Variants in SKP2 observed in about 807,000 individuals in gnomAD.
The protein encoded by SKP2 is S-phase kinase associated protein 2.
A neutral mutation model predicts 51.8 loss-of-function variants in SKP2; 16 were observed. The ratio of observed to expected loss-of-function variants is 0.31; its 90% CI spans 0.21 to 0.47. SKP2 has a LOEUF of 0.47. Ranked by LOEUF, SKP2 falls within the 20% of genes least tolerant of loss-of-function variation. The pLI, the probability that SKP2 is intolerant of heterozygous loss-of-function variation, is 1.00. For synonymous variants in SKP2, 176 were observed against 198.6 expected, an observed-to-expected ratio of 0.89 and a Z score of 0.96; for missense variants, 377 against 505.3, an observed-to-expected ratio of 0.75 and a Z score of 2.43.
chr5:36,192,153 C>G (rs1746040469), intron 6 of SKP2, among the ~76,000 whole-genome samples: 2 of 152,162 alleles, frequency 1.3e-5, no homozygotes, highest in African/African-American at 4.8e-5. Context: ...ACTCTTCATA[C>G]CTTAATGTAG....
At chr5:36,157,635 C>A (rs3804445) in intron 2 of SKP2, among the ~76,000 whole-genome samples, 108,858 of 151,888 alleles carry the variant, frequency 0.72, 42,239 homozygotes, top group Non-Finnish European at 0.87. Context: ...AAAAGCAATT[C>A]TGAGGTGAGC....
chr5:36,156,457 C>T lies in SKP2; in HGVS notation c.280+3415C>T, dbSNP rs41114. On this transcript the variant is annotated intron_variant, in intron 2 of 9. Transcript: ENST00000274255. ...TTCTCCCTGCAGGCCCCAGTCCAGC[C>T]GTACATCTGGCAACTAAATCCTCTT... is the stretch of plus-strand genomic sequence containing the variant. 9.5e-3 allele frequency among the ~76,000 whole-genome samples: 1,451 copies of T among 152,240 alleles called. 25 individuals carry two copies. The highest frequency in any genetic ancestry group is 0.033 in the African/African-American group (1,382 of 41,530).
At chr5:36,188,127 C>T (rs527957831), downstream of SKP2, among the ~76,000 whole-genome samples, 1 of 152,140 alleles carries the variant, frequency 6.6e-6, no homozygotes, top group African/African-American at 2.4e-5. Flanking sequence ...ATGTGTATCT[C>T]TGCACGTGAG....
chr5:36,190,217 ACCCAC>A (rs1428714394), intron 6 of SKP2, among the ~76,000 whole-genome samples: 2 of 3,082 alleles, frequency 6.5e-4, no homozygotes, highest in African/African-American at 2.0e-3. Context: ...GGTGTGCTGC[ACCCAC>A]TGTCCTGCAC....
intron 2 of SKP2, among the ~76,000 whole-genome samples, chr5:36,157,368 C>T (rs1305384894): frequency 2.0e-5 from 3 of 152,180 alleles, no homozygotes; most frequent in Non-Finnish European, 4.4e-5. Flanking sequence ...CAGGGTTGAG[C>T]AAGTCTTTCA....
At position 36,190,859 on chromosome 5, in the gene SKP2, A is replaced by G. The variant is rs144171097; in HGVS notation, c.633-1762A>G. ...CATAACTATTTTGGTATATACCTCT[A>G]AAAGTTAGGGATTTTCCTGCGTGAA... On this transcript the variant is annotated intron_variant, in intron 6 of 7. Coordinates refer to the SKP2 transcript ENST00000677886. 2.2e-3 allele frequency among the ~76,000 whole-genome samples: 341 copies of G among 152,202 alleles called. 1 individual carries two copies. The highest frequency in any genetic ancestry group is 7.8e-3 in the African/African-American group (322 of 41,536).
chr5:36,175,089 G>C (rs1458287489), intron 7 of SKP2, among the ~76,000 whole-genome samples: 1 of 152,098 alleles, frequency 6.6e-6, no homozygotes, highest in East Asian at 1.9e-4. Context: ...TATGAAGCAG[G>C]GAGACCAGTT....
chr5:36,171,208 C>T (rs1745461308), intron 6 of SKP2, among the ~76,000 whole-genome samples: 1 of 152,174 alleles, frequency 6.6e-6, no homozygotes, highest in Admixed American at 6.5e-5. Context: ...ATATCAGCAT[C>T]TCTTTATTAG....
chr5:36,193,215 ATGCCTGTAATCCCAATAC>A (rs1328609394), intron 7 of SKP2: 2 of 152,152 alleles, frequency 1.3e-5, no homozygotes, highest in African/African-American at 4.8e-5. Context: ...ATGGTGGCTC[ATGCCTGTAATCCCAATAC>A]TGGGAGGCCG....
chr5:36,181,675 A>G lies in SKP2; in HGVS notation c.1062-143A>G, dbSNP rs79699802. 1,100 of 812,034 alleles carry G rather than the reference A, an allele frequency of 1.4e-3. 13 individuals are homozygous for G. The African/African-American group carries it at 0.016, about 12-fold the overall frequency. 50.3% of individuals were successfully genotyped at this position (812,034 alleles called of 1,614,324 possible). A position where few individuals can be genotyped will look rare whatever the true frequency, so the allele number is the denominator to read the frequency against. On this transcript the variant is annotated intron_variant, in intron 9 of 9. Coordinates refer to ENST00000274255, the MANE Select transcript of SKP2 (RefSeq NM_005983.4). ...TCTGTGCTTTCCAGTTTAATTTGCT[A>G]TTTTCTCAAATCATTTATTGTAAAT... is the stretch of plus-strand genomic sequence containing the variant.
chr5:36,152,737 C>T (rs376372181), intron 1 of SKP2, 34 bp from the exon 2 acceptor site: 3 of 1,595,624 alleles, frequency 1.9e-6, no homozygotes, highest in South Asian at 2.2e-5. Flanking sequence ...GGTGTGTTTT[C>T]GAAAGGAACC....
downstream of SKP2, among the ~76,000 whole-genome samples, chr5:36,184,994 T>C (rs1300057619): frequency 3.3e-5 from 5 of 152,234 alleles, no homozygotes; most frequent in Non-Finnish European, 7.3e-5. Flanking sequence ...GGTTTTGATT[T>C]GCATTTCTCT....
At chr5:36,164,141 G>A (rs1745213066) in intron 3 of SKP2, among the ~76,000 whole-genome samples, 1 of 152,192 alleles carries the variant, frequency 6.6e-6, no homozygotes, top group Admixed American at 6.5e-5. Context: ...TGTTAGACCC[G>A]AGTGCACACC....
chr5:36,190,298 A>G (rs1300966494), intron 6 of SKP2, among the ~76,000 whole-genome samples: 1 of 152,130 alleles, frequency 6.6e-6, no homozygotes, highest in Admixed American at 6.5e-5. Flanking sequence ...AATCACCCGT[A>G]TTCTGCGTCG....
chr5:36,163,805 G>C, intron 3 of SKP2, 49 bp downstream of exon 3: 1 of 1,251,016 alleles, frequency 8.0e-7, no homozygotes, highest in Non-Finnish European at 1.2e-6. Context: ...AAGAGGAGAG[G>C]AAGGTTATTT....
At chr5:36,189,036 A>T (rs999876383), downstream of SKP2, among the ~76,000 whole-genome samples, 1 of 152,148 alleles carries the variant, frequency 6.6e-6, no homozygotes, top group African/African-American at 2.4e-5. Flanking sequence ...AAGCTTGTTC[A>T]TGCATCATGC....
At chr5:36,173,735 C>T (rs1290074868) in intron 7 of SKP2, among the ~76,000 whole-genome samples, 2 of 152,096 alleles carry the variant, frequency 1.3e-5, no homozygotes, top group Non-Finnish European at 2.9e-5. Flanking sequence ...GACAGAGAGA[C>T]AGACTGTAAA....
chr5:36,172,601 T>C (rs1745509156), intron 7 of SKP2, among the ~76,000 whole-genome samples: 2 of 152,194 alleles, frequency 1.3e-5, no homozygotes, highest in Non-Finnish European at 2.9e-5. Flanking sequence ...TGAGTGTGTT[T>C]TGTTTATTAT....
downstream of SKP2, among the ~76,000 whole-genome samples, chr5:36,187,640 T>A (rs1057042578): frequency 5.9e-5 from 9 of 152,164 alleles, no homozygotes; most frequent in African/African-American, 2.2e-4. Context: ...TGCTGAGGAG[T>A]GCTTTACTTC....
Sources: allele counts gnomAD v4.1 joint callset (sites outside exome capture counted in the v4.1 genomes callset), GRCh38; gene constraint gnomAD v4.1.1; transcripts MANE v1.5; gene names NCBI Gene and HGNC (gene_info 2026-07-23, HGNC 2026-07-21).